DPH6: variants seen among roughly 807,000 people sequenced by gnomAD.
DPH6 encodes the protein diphthine--ammonia ligase.
In DPH6, 33 loss-of-function variants were observed where a neutral mutation model predicts 38.2. That is an observed-to-expected ratio of 0.86 (90% CI 0.65 to 1.15). The LOEUF (loss-of-function observed/expected upper bound fraction) is 1.15, where lower values mean the gene tolerates loss of function less well. Among genes scored for constraint, DPH6 ranks in the 50% most tolerant of loss-of-function variants. The pLI is 0.00. For synonymous variants in DPH6, 108 were observed against 103.0 expected, an observed-to-expected ratio of 1.05 and a Z score of -0.30; for missense variants, 325 against 320.0, an observed-to-expected ratio of 1.02 and a Z score of -0.12.
chr15:35,472,271 G>A (rs1275246544), intron 3 of DPH6, among the ~76,000 whole-genome samples: 3 of 152,138 alleles, frequency 2.0e-5, no homozygotes, highest in East Asian at 1.9e-4. Flanking sequence ...AGGAACACAC[G>A]GATTAATAAT....
chr15:35,247,389 A>G (rs566350065), intron 3 of DPH6, among the ~76,000 whole-genome samples: 1 of 152,336 alleles, frequency 6.6e-6, no homozygotes, highest in African/African-American at 2.4e-5. Flanking sequence ...TGGATTATTG[A>G]TTTTGTTTGA....
chr15:35,447,163 T>G (rs946806021), intron 5 of DPH6, among the ~76,000 whole-genome samples: 2 of 151,982 alleles, frequency 1.3e-5, no homozygotes, highest in African/African-American at 2.4e-5. Flanking sequence ...GGTGGAATCT[T>G]TAAGTAGAGC....
rs563592689 is a variant in DPH6, at chr15:35,266,450, C to G, written n.201-45868G>C. Among the ~76,000 whole-genome samples, 11 of 152,276 alleles carry G rather than the reference C, an allele frequency of 7.2e-5. No individual in the cohort carries two copies. The South Asian group carries it at 2.3e-3, about 32-fold the overall frequency. On this transcript the variant is annotated intron_variant and non_coding_transcript_variant, in intron 3 of 3. Coordinates refer to the DPH6 transcript ENST00000560386. Reference sequence around the variant, plus strand: ...GTCAGCTAAGATATATAATATATGGCTACAGATTGTTAATCTCTGGCAAAT... The same window carrying G: ...GTCAGCTAAGATATATAATATATGGGTACAGATTGTTAATCTCTGGCAAAT...
At chr15:35,491,694 C>T (rs1366413737) in intron 3 of DPH6, among the ~76,000 whole-genome samples, 1 of 134,640 alleles carries the variant, frequency 7.4e-6, no homozygotes, top group Non-Finnish European at 1.6e-5. Context: ...TGTATATACA[C>T]ACATATAAAT....
the DPH6 span, among the ~76,000 whole-genome samples, chr15:35,182,173 T>C: frequency 6.8e-6 from 1 of 146,538 alleles, no homozygotes; most frequent in Non-Finnish European, 1.5e-5. Context: ...TGTATAAGTA[T>C]AATAACATAA....
the DPH6 span, among the ~76,000 whole-genome samples, chr15:35,154,753 G>T: frequency 6.6e-6 from 1 of 152,108 alleles, no homozygotes; most frequent in Non-Finnish European, 1.5e-5. Flanking sequence ...ACAGTGGCAG[G>T]TTCCTTTTAC....
At chr15:35,155,593 T>C in the DPH6 span, among the ~76,000 whole-genome samples, 2 of 152,206 alleles carry the variant, frequency 1.3e-5, no homozygotes, top group African/African-American at 4.8e-5. Context: ...AGGCCTTGCA[T>C]TGTGCTAGCC....
At chr15:35,493,583 T>TG (rs1453838036) in intron 3 of DPH6, among the ~76,000 whole-genome samples, 1 of 152,142 alleles carries the variant, frequency 6.6e-6, no homozygotes, top group Non-Finnish European at 1.5e-5. Context: ...TTAAGAATCT[T>TG]GAAGATTAGG....
rs1208498911 is a variant in DPH6, at chr15:35,311,647, A to G, written n.200+61874T>C. Reference sequence around the variant, plus strand: ...TGGCATTAAGATCTGCTTTAAGTACAGTTATCTGAAATGTTCTCTTGTTTT... The same window carrying G: ...TGGCATTAAGATCTGCTTTAAGTACGGTTATCTGAAATGTTCTCTTGTTTT... On this transcript the variant is annotated intron_variant and non_coding_transcript_variant, in intron 3 of 3. Coordinates refer to the DPH6 transcript ENST00000560386. Among the ~76,000 whole-genome samples, 3 of 152,214 alleles carry G rather than the reference A, an allele frequency of 2.0e-5. No individual in the cohort carries two copies. In the East Asian group the frequency reaches 5.8e-4, roughly 29 times the overall value.
At chr15:35,538,088 A>G (rs2055198098) in intron 3 of DPH6, 186 bp downstream of exon 3, 2 of 398,948 alleles carry the variant, frequency 5.0e-6, no homozygotes, top group Admixed American at 8.6e-5. Flanking sequence ...TTATTTTTAA[A>G]TATCATTTAA....
chr15:35,270,181 A>G (rs536547470), intron 3 of DPH6, among the ~76,000 whole-genome samples: 5 of 152,354 alleles, frequency 3.3e-5, no homozygotes, highest in Admixed American at 3.3e-4. Flanking sequence ...GTCTGTTAGC[A>G]ACCAAAAGAA....
chr15:35,412,974 A>T (rs1355262364), intron 5 of DPH6, among the ~76,000 whole-genome samples: 1 of 146,662 alleles, frequency 6.8e-6, no homozygotes, highest in African/African-American at 2.4e-5. Flanking sequence ...CTTAATGTAA[A>T]CTATGAACTT....
At chr15:35,496,567 A>AAAAAAAAAAAAAAAAATATATATATAT in intron 3 of DPH6, among the ~76,000 whole-genome samples, 24 of 30,982 alleles carry the variant, frequency 7.7e-4, no homozygotes, top group South Asian at 2.9e-3. Context: ...AAAAAAAAAA[A>AAAAAAAAAAAAAAAAATATATATATAT]ATATATATAT....
intron 3 of DPH6, among the ~76,000 whole-genome samples, chr15:35,249,079 T>C (rs1362268433): frequency 6.6e-6 from 1 of 152,242 alleles, no homozygotes; most frequent in East Asian, 1.9e-4. Context: ...CGGAATGTTT[T>C]ATAATTACCT....
intron 3 of DPH6, among the ~76,000 whole-genome samples, chr15:35,499,337 CTTTT>C (rs2054596179): frequency 6.6e-6 from 1 of 152,086 alleles, no homozygotes; most frequent in Non-Finnish European, 1.5e-5. Context: ...CCCCCAGGTT[CTTTT>C]TCTGATGATT....
the DPH6 span, among the ~76,000 whole-genome samples, chr15:35,209,234 A>G: frequency 6.6e-6 from 1 of 152,168 alleles, no homozygotes; most frequent in African/African-American, 2.4e-5. Flanking sequence ...TCTGCAAATA[A>G]TGATGGTATT....
intron 3 of DPH6, among the ~76,000 whole-genome samples, chr15:35,490,734 T>C (rs1394334717): frequency 6.6e-6 from 1 of 152,180 alleles, no homozygotes; most frequent in African/African-American, 2.4e-5. Context: ...ATGTGATGTC[T>C]GACGAAAGCC....
chr15:35,212,770 G>A (rs1459789242), downstream of DPH6, among the ~76,000 whole-genome samples: 1 of 151,984 alleles, frequency 6.6e-6, no homozygotes, highest in Non-Finnish European at 1.5e-5. Flanking sequence ...AACTGGCTCC[G>A]TCTTATCTCA....
At chr15:35,299,555 G>A (rs2052040681) in intron 3 of DPH6, 4 of 502,140 alleles carry the variant, frequency 8.0e-6, no homozygotes, top group South Asian at 6.6e-5. Context: ...CGCTGAGTCC[G>A]CGGGGCGCTG....
Sources: gnomAD v4.1 joint callset for allele counts (sites outside exome capture counted in the v4.1 genomes callset) on GRCh38, gnomAD v4.1.1 for gene constraint, MANE v1.5 for transcripts, NCBI Gene and HGNC (gene_info 2026-07-23, HGNC 2026-07-21) for gene names.